The following CSMD3 variants were observed in gnomAD, a reference collection of about 807,000 sequenced individuals.
CSMD3 encodes CUB and Sushi multiple domains 3, also known as CUB and sushi domain-containing protein 3.
In CSMD3, 177 loss-of-function variants were observed where a neutral mutation model predicts 435.2. That is an observed-to-expected ratio of 0.41 (90% CI 0.36 to 0.46). The LOEUF is 0.46. Among genes scored for constraint, CSMD3 ranks in the 20% least tolerant of loss-of-function variants. The probability of loss-of-function intolerance (pLI) is 0.34; values close to 1 mark genes in which losing one functional copy is unlikely to be tolerated. For missense variants in CSMD3, 4,265 were observed against 4,504.6 expected (o/e 0.95, Z 1.52); for synonymous variants, 1,656 against 1,520.5 (o/e 1.09, Z -2.07).
chr8:112,422,628 T>G (rs1039774852), intron 32 of CSMD3, among the ~76,000 whole-genome samples: 1 of 152,154 alleles, frequency 6.6e-6, no homozygotes, highest in Non-Finnish European at 1.5e-5. Context: ...CTCCTTTGGA[T>G]TGTTGTAAAG....
chr8:112,369,789 T>G (rs1411589022), intron 38 of CSMD3, among the ~76,000 whole-genome samples: 2 of 151,964 alleles, frequency 1.3e-5, no homozygotes. Context: ...GGATTACAGT[T>G]TGATAGGTGC....
At chr8:112,715,157 A>G (rs898901684) in intron 13 of CSMD3, among the ~76,000 whole-genome samples, 2 of 152,152 alleles carry the variant, frequency 1.3e-5, no homozygotes, top group African/African-American at 4.8e-5. Context: ...AAAAATTAAC[A>G]AAATAGATAG....
At chr8:112,875,642 T>C (rs1001973551) in intron 10 of CSMD3, among the ~76,000 whole-genome samples, 23 of 152,186 alleles carry the variant, frequency 1.5e-4, no homozygotes, top group African/African-American at 5.1e-4. Flanking sequence ...TTCTCTAATC[T>C]TGTCTTCATG....
intron 23 of CSMD3, among the ~76,000 whole-genome samples, chr8:112,580,870 C>T (rs536028374): frequency 4.6e-5 from 7 of 152,184 alleles, no homozygotes; most frequent in African/African-American, 1.7e-4. Flanking sequence ...AAAATATGTG[C>T]AGACGTTGAA....
At chr8:112,537,192 T>C (rs1264066575) in intron 27 of CSMD3, among the ~76,000 whole-genome samples, 1 of 151,378 alleles carries the variant, frequency 6.6e-6, no homozygotes, top group Non-Finnish European at 1.5e-5. Context: ...AAAAAAAAGA[T>C]TTCTTGAAAA....
intron 1 of CSMD3, among the ~76,000 whole-genome samples, chr8:113,334,775 T>C (rs2094058113): frequency 6.6e-6 from 1 of 152,132 alleles, no homozygotes. Context: ...TTATTTCATA[T>C]CAGAGGAATT....
At chr8:113,358,123 AATATTGTAATGTGTTTATTTGGAT>A (rs2094245237) in intron 1 of CSMD3, among the ~76,000 whole-genome samples, 1 of 152,224 alleles carries the variant, frequency 6.6e-6, no homozygotes, top group Non-Finnish European at 1.5e-5. Flanking sequence ...GCACCAATAT[AATATTGTAATGTGTTTATTTGGAT>A]ATTATATGCA....
intron 1 of CSMD3, among the ~76,000 whole-genome samples, chr8:113,370,185 TATTA>T (rs1349280748): frequency 6.6e-6 from 1 of 151,190 alleles, no homozygotes; most frequent in African/African-American, 2.4e-5. Flanking sequence ...TAATTTCATA[TATTA>T]ATTAAAATAA....
Position 112,994,778 on chromosome 8 carries a change from G to A in CSMD3, c.1031-18630C>T, listed in dbSNP as rs76601117. 6.6e-3 allele frequency among the ~76,000 whole-genome samples: 1,003 copies of A among 151,404 alleles called. 12 individuals carry two copies. Among genetic ancestry groups the A allele is most frequent in the African/African-American group, 0.023 (963 of 41,400 alleles). ...GTAGCTCAGTGTTCATATGTGCCAT[G>A]TTTACTTATAAGTTAGAATACATAT... On this transcript the variant is annotated intron_variant, in intron 6 of 70. Transcript: ENST00000297405.
chr8:112,472,346 T>A (rs975652905), intron 32 of CSMD3, among the ~76,000 whole-genome samples: 2 of 152,190 alleles, frequency 1.3e-5, no homozygotes, highest in African/African-American at 4.8e-5. Context: ...TACTCATTTT[T>A]AAAAATTAAA....
chr8:113,370,623 G>C (rs963545222), intron 1 of CSMD3, among the ~76,000 whole-genome samples: 1 of 151,718 alleles, frequency 6.6e-6, no homozygotes, highest in African/African-American at 2.4e-5. Flanking sequence ...TTCATTATAT[G>C]CATTCATTTC....
chr8:112,441,285 C>T (rs910887631), intron 32 of CSMD3, among the ~76,000 whole-genome samples: 19 of 152,148 alleles, frequency 1.2e-4, no homozygotes, highest in African/African-American at 3.6e-4. Flanking sequence ...CTGAGACCAC[C>T]GCAGCCTGGA....
intron 36 of CSMD3, among the ~76,000 whole-genome samples, chr8:112,385,748 A>AATT (rs971754009): frequency 6.6e-5 from 10 of 152,114 alleles, no homozygotes; most frequent in African/African-American, 2.4e-4. Flanking sequence ...ATTTGAGAAT[A>AATT]ATTTATTTTC....
At chr8:113,280,596 T>C (rs867994308) in intron 2 of CSMD3, among the ~76,000 whole-genome samples, 1 of 151,920 alleles carries the variant, frequency 6.6e-6, no homozygotes, top group Non-Finnish European at 1.5e-5. Flanking sequence ...TTTTATCTTT[T>C]TGAAGGACCA....
intron 32 of CSMD3, among the ~76,000 whole-genome samples, chr8:112,418,309 G>T (rs1812129189): frequency 6.6e-6 from 1 of 152,004 alleles, no homozygotes; most frequent in Non-Finnish European, 1.5e-5. Flanking sequence ...CAACGTGCAG[G>T]TTTGTTACAT....
rs752711781 is a variant in CSMD3 at position 112,636,848 on chromosome 8, T to A, written c.3684A>T (p.Arg1228=). ...SEIICLGGGR[R]VWSAPLPRCV... The stretch of plus-strand genomic sequence containing the variant: ...ACCTTGGCAGAGGTGCACTCCACAC[T>A]CGTCGGCCACCACCAAGACAGATGA... Residue 1228 remains arginine (R), a synonymous_variant, in exon 22 of 71, where the codon CGA becomes CGT. Coordinates refer to ENST00000297405, the MANE Select transcript of CSMD3 (RefSeq NM_198123.2). 3.7e-6 allele frequency: 6 copies of A among 1,609,896 alleles called. No individual in the cohort carries two copies. In the Admixed American group the frequency reaches 1.0e-4, roughly 27 times the overall value.
At chr8:112,263,343 A>C (rs2130374801) in intron 61 of CSMD3, among the ~76,000 whole-genome samples, 1 of 152,300 alleles carries the variant, frequency 6.6e-6, no homozygotes, top group African/African-American at 2.4e-5. Flanking sequence ...GCTAAGACAA[A>C]AAGGACATAA....
At chr8:112,758,514 C>G (rs4876294) in intron 13 of CSMD3, among the ~76,000 whole-genome samples, 50,569 of 151,910 alleles carry the variant, frequency 0.33, 9,277 homozygotes, top group African/African-American at 0.5. Context: ...AATCTTGACA[C>G]GAGTCCAGTT....
chr8:113,255,778 T>A (rs567995337), intron 3 of CSMD3, among the ~76,000 whole-genome samples: 2 of 152,026 alleles, frequency 1.3e-5, no homozygotes, highest in Admixed American at 1.3e-4. Context: ...AGTGTTCATA[T>A]CTACTGTTTG....
Sources: allele counts gnomAD v4.1 joint callset (sites outside exome capture counted in the v4.1 genomes callset), GRCh38; gene constraint gnomAD v4.1.1; transcripts MANE v1.5; gene names NCBI Gene and HGNC (gene_info 2026-07-23, HGNC 2026-07-21).